PTPRD: variants seen among roughly 807,000 people sequenced by gnomAD.
PTPRD encodes protein tyrosine phosphatase receptor type D.
PTPRD carries 34 observed loss-of-function variants against 214.5 expected under a neutral mutation model. The observed-to-expected ratio is 0.16, with a 90% confidence interval of 0.12 to 0.21. The LOEUF (loss-of-function observed/expected upper bound fraction) is 0.21, where lower values mean the gene tolerates loss of function less well. Ranked by LOEUF, PTPRD falls within the 10% of genes least tolerant of loss-of-function variation. PTPRD has a pLI of 1.00. For synonymous variants in PTPRD, 1,128 were observed against 845.7 expected (o/e 1.33, Z -5.79); for missense variants, 2,545 against 2,398.7 (o/e 1.06, Z -1.27).
At chr9:10,064,873 T>C (rs1775672723) in intron 3 of PTPRD, among the ~76,000 whole-genome samples, 1 of 152,040 alleles carries the variant, frequency 6.6e-6, no homozygotes, top group African/African-American at 2.4e-5. Context: ...CTAGAGTTGC[T>C]ATTTTATGGC....
chr9:9,757,617 T>G (rs539328462), intron 6 of PTPRD, among the ~76,000 whole-genome samples: 5 of 152,270 alleles, frequency 3.3e-5, no homozygotes, highest in African/African-American at 1.2e-4. Flanking sequence ...CCTATTCTCT[T>G]TTTAATATAT....
At position 10,353,189 on chromosome 9, in the gene PTPRD, T is replaced by C. The variant is rs377580327; in HGVS notation, c.-599-12172A>G. 9.1e-4 allele frequency among the ~76,000 whole-genome samples: 139 copies of C among 152,106 alleles called. 2 individuals are homozygous for C. The South Asian group carries it at 0.026, about 28-fold the overall frequency. On this transcript the variant is annotated intron_variant, in intron 2 of 45. Coordinates refer to ENST00000381196, the MANE Select transcript of PTPRD (RefSeq NM_002839.4). Reference sequence around the variant, plus strand: ...AATCACAACTTTATATTTGAATTTATTTCTCCCTTAAAATTAGGATTTCAG... The same window carrying C: ...AATCACAACTTTATATTTGAATTTACTTCTCCCTTAAAATTAGGATTTCAG...
intron 9 of PTPRD, among the ~76,000 whole-genome samples, chr9:9,299,553 T>C (rs2134620811): frequency 6.6e-6 from 1 of 151,860 alleles, no homozygotes; most frequent in South Asian, 2.1e-4. Context: ...AATATTGCTA[T>C]GGACTGCAGA....
chr9:9,437,984 G>A (rs566219050), intron 8 of PTPRD, among the ~76,000 whole-genome samples: 7 of 152,234 alleles, frequency 4.6e-5, no homozygotes, highest in African/African-American at 1.2e-4. Flanking sequence ...GGTTCCTTGC[G>A]AGGCCTGTGA....
intron 3 of PTPRD, among the ~76,000 whole-genome samples, chr9:10,308,484 G>A (rs1207692552): frequency 6.6e-6 from 1 of 152,010 alleles, no homozygotes; most frequent in East Asian, 1.9e-4. Context: ...ATATTTTGAA[G>A]TTAAATAGTG....
intron 5 of PTPRD, among the ~76,000 whole-genome samples, chr9:9,783,975 G>T (rs1259836144): frequency 6.6e-6 from 1 of 151,806 alleles, no homozygotes; most frequent in Admixed American, 6.6e-5. Context: ...TTTAAATAGT[G>T]GGGAAAAAAT....
chr9:9,168,639 T>C (rs2130861784), intron 10 of PTPRD, among the ~76,000 whole-genome samples: 1 of 152,242 alleles, frequency 6.6e-6, no homozygotes, highest in African/African-American at 2.4e-5. Flanking sequence ...CTTGACTATT[T>C]ATCTTGTTTT....
At chr9:10,105,388 G>A (rs910479464) in intron 3 of PTPRD, among the ~76,000 whole-genome samples, 5 of 151,790 alleles carry the variant, frequency 3.3e-5, no homozygotes, top group Non-Finnish European at 7.4e-5. Flanking sequence ...GAATAGTTAG[G>A]TAGAAAAGCT....
chr9:9,801,600 A>G (rs2099040607), intron 5 of PTPRD, among the ~76,000 whole-genome samples: 1 of 152,110 alleles, frequency 6.6e-6, no homozygotes, highest in South Asian at 2.1e-4. Context: ...CTTTTGTTGG[A>G]CTAAGAAAAG....
intron 2 of PTPRD, among the ~76,000 whole-genome samples, chr9:10,376,108 A>C (rs1333499354): frequency 6.6e-6 from 1 of 151,978 alleles, no homozygotes; most frequent in Non-Finnish European, 1.5e-5. Flanking sequence ...CTCATATTTA[A>C]TGTGCTTCCC....
chr9:8,782,668 G>T (rs1599636478), intron 11 of PTPRD, among the ~76,000 whole-genome samples: 1 of 149,710 alleles, frequency 6.7e-6, no homozygotes, highest in Non-Finnish European at 1.5e-5. Flanking sequence ...CACAATCTCG[G>T]CTCACTGCAA....
intron 2 of PTPRD, among the ~76,000 whole-genome samples, chr9:10,560,556 A>G (rs1449427939): frequency 6.6e-6 from 1 of 152,186 alleles, no homozygotes; most frequent in South Asian, 2.1e-4. Context: ...CTTAAAGTAT[A>G]ATAATAAAAA....
At chr9:9,596,141 T>A (rs1316404186) in intron 7 of PTPRD, among the ~76,000 whole-genome samples, 1 of 151,888 alleles carries the variant, frequency 6.6e-6, no homozygotes, top group Non-Finnish European at 1.5e-5. Context: ...ACACTATTTA[T>A]CATTATGCTT....
chr9:9,102,178 AG>A, intron 10 of PTPRD, among the ~76,000 whole-genome samples: 1 of 152,328 alleles, frequency 6.6e-6, no homozygotes, highest in South Asian at 2.1e-4. Flanking sequence ...ATAAATATGT[AG>A]GTTGTAGCTG....
intron 7 of PTPRD, among the ~76,000 whole-genome samples, chr9:9,730,424 T>C (rs559732550): frequency 6.6e-6 from 1 of 152,218 alleles, no homozygotes; most frequent in African/African-American, 2.4e-5. Flanking sequence ...ATTAATGACA[T>C]GGTTTTACAG....
At chr9:8,880,445 A>C (rs185743506) in intron 11 of PTPRD, among the ~76,000 whole-genome samples, 2 of 152,170 alleles carry the variant, frequency 1.3e-5, no homozygotes, top group African/African-American at 4.8e-5. Flanking sequence ...GAAGCACAGC[A>C]TACGATCAAC....
At chr9:9,237,357 G>C (rs1440252834) in intron 9 of PTPRD, among the ~76,000 whole-genome samples, 1 of 152,064 alleles carries the variant, frequency 6.6e-6, no homozygotes, top group East Asian at 1.9e-4. Flanking sequence ...TGGAGCCCAG[G>C]AATTTAAGGC....
chr9:9,138,118 C>T (rs1187422627), intron 10 of PTPRD, among the ~76,000 whole-genome samples: 1 of 151,936 alleles, frequency 6.6e-6, no homozygotes, highest in Non-Finnish European at 1.5e-5. Flanking sequence ...TGAATAATAC[C>T]TGTTAAATCA....
intron 8 of PTPRD, among the ~76,000 whole-genome samples, chr9:9,516,990 TATAAAC>T (rs1489445947): frequency 6.6e-6 from 1 of 152,106 alleles, no homozygotes; most frequent in East Asian, 1.9e-4. Context: ...AAACAAATGA[TATAAAC>T]ATAATAAATG....
Sources: allele counts gnomAD v4.1 joint callset (sites outside exome capture counted in the v4.1 genomes callset), GRCh38; gene constraint gnomAD v4.1.1; transcripts MANE v1.5; gene names NCBI Gene and HGNC (gene_info 2026-07-23, HGNC 2026-07-21).